The following DLD variants were observed in gnomAD, a reference collection of about 807,000 sequenced individuals.
DLD encodes dihydrolipoyl dehydrogenase, mitochondrial.
Under a neutral mutation model 62.2 loss-of-function variants are expected in DLD, and 36 were observed. The ratio of observed to expected loss-of-function variants is 0.58; its 90% CI spans 0.44 to 0.76. The LOEUF (loss-of-function observed/expected upper bound fraction) is 0.76. Ranked by LOEUF, DLD falls within the 30% of genes least tolerant of loss-of-function variation. DLD has a pLI of 0.00. For synonymous variants in DLD, 204 were observed against 199.6 expected (o/e 1.02, Z -0.19); for missense variants, 541 against 608.6 (o/e 0.89, Z 1.17).
chr7:107,894,310 A>T (rs1342580784), intron 2 of DLD, among the ~76,000 whole-genome samples: 3 of 152,228 alleles, frequency 2.0e-5, no homozygotes, highest in Admixed American at 6.5e-5. Flanking sequence ...TATCTGGGCA[A>T]ACTGTGACTA....
chr7:107,901,791 A>G lies in DLD; in HGVS notation c.172A>G (p.Ile58Val), dbSNP rs2031882418. 2 of 1,613,644 alleles carry G rather than the reference A, an allele frequency of 1.2e-6. No individual in the cohort carries two copies. The highest frequency in any genetic ancestry group is 1.1e-5 in the South Asian group (1 of 91,080). The change falls in exon 3 of 14, where the codon ATT (isoleucine) becomes GTT (valine). Residue 58 changes from isoleucine (I) to valine (V), a missense_variant. By Grantham distance (29) the Ile-to-Val change is conservative. Coordinates refer to ENST00000205402, the MANE Select transcript of DLD (RefSeq NM_000108.5). ...GSGPGGYVAA[I>V]KAAQLGFKTV... ...TGGTCCTGGAGGATATGTTGCTGCT[A>G]TTAAAGCTGCCCAGTTAGGCTTCAA...
Position 107,914,413 on chromosome 7 carries a change from CTGTTGG to C in DLD, c.685-1088_685-1083del, listed in dbSNP as rs142771319. ...TATCATTTTTCTTTTATGGATTGTG[CTGTTGG>C]TGTTACATCAAAGAAATCTTCGCCT... is the stretch of plus-strand genomic sequence containing the variant. On this transcript the variant is annotated intron_variant, in intron 8 of 13. Transcript: ENST00000205402. 3.3e-3 allele frequency among the ~76,000 whole-genome samples: 507 copies of C among 152,058 alleles called. 2 individuals carry two copies. The highest frequency in any genetic ancestry group is 0.011 in the African/African-American group (470 of 41,500).
In DLD at chr7:107,902,356, G is replaced by T; in HGVS notation, c.230G>T (p.Gly77Val). The T allele has an allele frequency of 6.2e-7, 1 of 1,613,878 alleles. No individual in the cohort carries two copies. The highest frequency in any genetic ancestry group is 8.5e-7 in the Non-Finnish European group (1 of 1,179,866). Residue 77 changes from glycine to valine, a missense_variant, in exon 4 of 14, where the codon GGT (glycine) becomes GTT (valine). Physicochemically the swap from Gly to Val is moderately radical, Grantham distance 109. Transcript: ENST00000205402. ...TGCATTGAGAAAAATGAAACACTTG[G>T]TGGAACATGCTTGAATGTTGGTTGT... Reference protein sequence around the residue: ...TVCIEKNETLGGTCLNVGCIP... With the variant: ...TVCIEKNETLVGTCLNVGCIP...
At chr7:107,899,118 A>G (rs1162624437) in intron 2 of DLD, among the ~76,000 whole-genome samples, 1 of 152,092 alleles carries the variant, frequency 6.6e-6, no homozygotes, top group African/African-American at 2.4e-5. Flanking sequence ...TTACAGTACC[A>G]CATATGTGCT....
chr7:107,912,046 G>GT (rs1000165051), intron 8 of DLD, among the ~76,000 whole-genome samples: 2,196 of 141,354 alleles, frequency 0.016, 36 homozygotes, highest in African/African-American at 0.044. Flanking sequence ...CAGTTTGTTT[G>GT]TTTTTTTTTT....
intron 1 of DLD, among the ~76,000 whole-genome samples, chr7:107,891,909 CAG>C (rs1408841790): frequency 1.3e-5 from 2 of 152,160 alleles, no homozygotes; most frequent in African/African-American, 4.8e-5. Context: ...ATCTGCTTAC[CAG>C]ATACAGCCAA....
rs1181285688 is a variant in DLD at position 107,920,504 on chromosome 7, C to G, written c.*1245C>G. On this transcript the variant is annotated 3_prime_UTR_variant, in exon 14 of 14. Transcript: ENST00000205402. Reference sequence around the variant, plus strand: ...CTTGGCTGAACACCAACTCCACACTCTGTCTTGTTTGTAGGTGGCAGCAGC... The same window carrying G: ...CTTGGCTGAACACCAACTCCACACTGTGTCTTGTTTGTAGGTGGCAGCAGC... The G allele has an allele frequency of 1.3e-5, 2 of 152,246 alleles. No homozygotes were observed. The highest frequency in any genetic ancestry group is 2.4e-5 in the African/African-American group (1 of 41,452). 9.4% of individuals were successfully genotyped at this position (152,246 alleles called of 1,614,324 possible). A position where few individuals can be genotyped will look rare whatever the true frequency, so the allele number is the denominator to read the frequency against.
chr7:107,910,582 GGAATT>G (rs2032116475), intron 8 of DLD, among the ~76,000 whole-genome samples: 1 of 151,852 alleles, frequency 6.6e-6, no homozygotes, highest in Non-Finnish European at 1.5e-5. Context: ...CATCTTTTTT[GGAATT>G]GAACAGATTT....
At chr7:107,891,416 C>T (rs571818711) in intron 1 of DLD, 127 bp downstream of exon 1, 2 of 1,046,594 alleles carry the variant, frequency 1.9e-6, no homozygotes, top group East Asian at 2.6e-5. Context: ...CACCCCTGGC[C>T]CCGCCTCTGC....
rs142834860 is a variant in DLD at position 107,892,212 on chromosome 7, G to A, written c.39+923G>A. 3.2e-3 allele frequency among the ~76,000 whole-genome samples: 492 copies of A among 152,314 alleles called. 2 individuals carry two copies. Among genetic ancestry groups the A allele is most frequent in the African/African-American group, 0.012 (478 of 41,560 alleles). On this transcript the variant is annotated intron_variant, in intron 1 of 13. Transcript: ENST00000205402. ...GCCGCCCATTTTCCTGCTGTGAGCA[G>A]GGGTTATTTGCTTGCTTGCTTTCTG...
At chr7:107,898,729 T>C (rs977914807) in intron 2 of DLD, among the ~76,000 whole-genome samples, 12 of 152,068 alleles carry the variant, frequency 7.9e-5, no homozygotes, top group African/African-American at 2.7e-4. Context: ...CAGCTGGGAC[T>C]ACAGGTGCCT....
At chr7:107,909,067 T>C (rs78653409) in intron 8 of DLD, among the ~76,000 whole-genome samples, 3,909 of 152,308 alleles carry the variant, frequency 0.026, 71 homozygotes, top group Middle Eastern at 0.078. Context: ...AGTATACTTC[T>C]TGTAATGTAA....
chr7:107,919,180 T>A lies in DLD; in HGVS notation c.1465-14T>A, dbSNP rs761891138. 1.2e-6 allele frequency: 2 copies of A among 1,613,358 alleles called. No individual in the cohort carries two copies. The highest frequency in any genetic ancestry group is 1.7e-6 in the Non-Finnish European group (2 of 1,179,410). On this transcript the variant is annotated splice_polypyrimidine_tract_variant and intron_variant, in intron 13 of 13. Coordinates refer to ENST00000205402, the MANE Select transcript of DLD (RefSeq NM_000108.5). ...AAATATTTGGATTTTAATTTTAAATTTCTTCCCTTGCAGACCTTATCAGAA... is the reference window on the plus strand; with the variant it reads ...AAATATTTGGATTTTAATTTTAAATATCTTCCCTTGCAGACCTTATCAGAA...
intron 5 of DLD, chr7:107,903,793 T>G: frequency 2.9e-6 from 1 of 344,984 alleles, no homozygotes; most frequent in Non-Finnish European, 5.5e-6. Context: ...TTCTGTTCCT[T>G]TGCCAACTTT....
chr7:107,914,401 T>C (rs2032218327), intron 8 of DLD, among the ~76,000 whole-genome samples: 1 of 152,148 alleles, frequency 6.6e-6, no homozygotes, highest in Admixed American at 6.5e-5. Flanking sequence ...CATTTTTCTT[T>C]TATGGATTGT....
chr7:107,919,633 G>A lies in DLD; in HGVS notation c.*374G>A, dbSNP rs576270082. On this transcript the variant is annotated 3_prime_UTR_variant, in exon 14 of 14. Coordinates refer to ENST00000205402, the MANE Select transcript of DLD (RefSeq NM_000108.5). Reference sequence around the variant, plus strand: ...GGAGCTAGAATTTGATATGTGAACAGTTGTGTTTGAAGCACAGTGATCAAG... The same window carrying A: ...GGAGCTAGAATTTGATATGTGAACAATTGTGTTTGAAGCACAGTGATCAAG... The A allele has an allele frequency of 7.9e-5, 16 of 201,460 alleles. No homozygotes were observed. The highest frequency in any genetic ancestry group is 3.6e-4 in the African/African-American group (15 of 42,120). The allele number at this position is 201,460 out of a possible 1,614,324, so 12.5% of individuals were successfully genotyped here. A position where few individuals can be genotyped will look rare whatever the true frequency, so the allele number is the denominator to read the frequency against.
At position 107,902,396 on chromosome 7, in the gene DLD, G is replaced by GAGCA; in HGVS notation, c.267+4_267+7dup. 1 of 1,613,706 alleles carries GAGCA rather than the reference G, an allele frequency of 6.2e-7. No individual in the cohort carries two copies. Among genetic ancestry groups the GAGCA allele is most frequent in the Non-Finnish European group, 8.5e-7 (1 of 1,179,726 alleles). ...ATGTTGGTTGTATTCCTTCTAAGGT[G>GAGCA]AGCATGTGTTTTGTACAGCACAGAG... On this transcript the variant is annotated splice_donor_region_variant and intron_variant, in intron 4 of 13. Transcript: ENST00000205402.
chr7:107,913,227 A>G (rs972748045), intron 8 of DLD, among the ~76,000 whole-genome samples: 1 of 152,076 alleles, frequency 6.6e-6, no homozygotes, highest in Non-Finnish European at 1.5e-5. Flanking sequence ...GCCGGTTAAT[A>G]TGATGTTTCC....
chr7:107,918,402 C>T (rs1285482724), intron 12 of DLD, among the ~76,000 whole-genome samples: 2 of 152,138 alleles, frequency 1.3e-5, no homozygotes, highest in Non-Finnish European at 2.9e-5. Flanking sequence ...TTTTTCTGCT[C>T]TCTTTTACTC....
Sources: allele counts gnomAD v4.1 joint callset (sites outside exome capture counted in the v4.1 genomes callset), GRCh38; gene constraint gnomAD v4.1.1; transcripts MANE v1.5; gene names NCBI Gene and HGNC (gene_info 2026-07-23, HGNC 2026-07-21).